The following CDC42EP4 variants were observed in gnomAD, a reference collection of about 807,000 sequenced individuals.
CDC42EP4 encodes the protein CDC42 effector protein 4, also known as CDC42 effector protein (Rho GTPase binding) 4.
A neutral mutation model predicts 5.6 loss-of-function variants in CDC42EP4; 6 were observed. That is an observed-to-expected ratio of 1.07 (90% confidence interval 0.59 to 2.12). The LOEUF is 2.12. Ranked by LOEUF, CDC42EP4 falls within the 30% of genes most tolerant of loss-of-function variation. The pLI is 0.00. For synonymous variants in CDC42EP4, 230 were observed against 224.2 expected, an observed-to-expected ratio of 1.03 and a Z score of -0.23; for missense variants, 490 against 508.6, an observed-to-expected ratio of 0.96 and a Z score of 0.35.
At chr17:73,293,874 T>C (rs2062172912) in intron 1 of CDC42EP4, among the ~76,000 whole-genome samples, 2 of 152,214 alleles carry the variant, frequency 1.3e-5, no homozygotes, top group Admixed American at 6.5e-5. Flanking sequence ...CGTGGTTACA[T>C]GTTCCAGGCA....
At chr17:73,287,547 G>C (rs2062140703) in intron 1 of CDC42EP4, among the ~76,000 whole-genome samples, 1 of 152,166 alleles carries the variant, frequency 6.6e-6, no homozygotes. Flanking sequence ...TCCTGACAAG[G>C]GCCAAGTTGA....
At chr17:73,311,114 G>A (rs868406469) in intron 1 of CDC42EP4, 1 of 152,198 alleles carries the variant, frequency 6.6e-6, no homozygotes, top group Non-Finnish European at 1.5e-5. Flanking sequence ...CCGTCTCCCC[G>A]GCTCCAAGGG....
intron 1 of CDC42EP4, among the ~76,000 whole-genome samples, chr17:73,306,417 T>C (rs2062244458): frequency 6.6e-6 from 1 of 152,092 alleles, no homozygotes; most frequent in Non-Finnish European, 1.5e-5. Context: ...GGAGGATCTC[T>C]TGAGCCCAGG....
chr17:73,291,298 C>T (rs2062160337), intron 1 of CDC42EP4, among the ~76,000 whole-genome samples: 1 of 152,148 alleles, frequency 6.6e-6, no homozygotes, highest in African/African-American at 2.4e-5. Context: ...TGTCCCACTG[C>T]CCCAGCGAGG....
intron 1 of CDC42EP4, among the ~76,000 whole-genome samples, chr17:73,297,541 TG>T (rs1167586427): frequency 6.6e-6 from 1 of 152,112 alleles, no homozygotes; most frequent in Non-Finnish European, 1.5e-5. Flanking sequence ...TTATGTATAG[TG>T]GTTACAACTC....
At chr17:73,307,760 C>CTTT (rs539543636) in intron 1 of CDC42EP4, among the ~76,000 whole-genome samples, 54 of 107,178 alleles carry the variant, frequency 5.0e-4, no homozygotes, top group Middle Eastern at 5.7e-3. Context: ...GAATTTCTCT[C>CTTT]TTTTTTTTTT....
chr17:73,304,162 C>A (rs1407509644), intron 1 of CDC42EP4, among the ~76,000 whole-genome samples: 1 of 152,170 alleles, frequency 6.6e-6, no homozygotes, highest in Non-Finnish European at 1.5e-5. Flanking sequence ...TATTCCTGGG[C>A]CACATGTCAT....
At position 73,286,250 on chromosome 17, in the gene CDC42EP4, C is replaced by T. The variant is rs772929569; in HGVS notation, c.251G>A (p.Arg84Gln). Residue 84 changes from arginine to glutamine, a missense_variant, in exon 2 of 2, where the codon CGG becomes CAG. Coordinates refer to ENST00000335793, the MANE Select transcript of CDC42EP4 (RefSeq NM_012121.5). This position sits in a 1 kb window ranked among gnomAD's most constrained non-coding sequence, Gnocchi z 7.7. ...CACCGACTGTGACCGCTTGCTGCCC[C>T]GGAACTTCCTGGACAGGAGACTGCG... is the stretch of plus-strand genomic sequence containing the variant. ...SKRSLLSRKF[R>Q]GSKRSQSVTR... The T allele has an allele frequency of 9.3e-6, 15 of 1,614,220 alleles. No individual in the cohort carries two copies. The highest frequency in any genetic ancestry group is 2.2e-5 in the South Asian group (2 of 91,088).
At chr17:73,297,099 GC>G (rs1372705306) in intron 1 of CDC42EP4, among the ~76,000 whole-genome samples, 2 of 149,720 alleles carry the variant, frequency 1.3e-5, no homozygotes, top group African/African-American at 4.9e-5. Context: ...TTCAAGACCA[GC>G]CTGGCCAACA....
chr17:73,308,745 T>G (rs1390575024), intron 1 of CDC42EP4, among the ~76,000 whole-genome samples: 1 of 151,812 alleles, frequency 6.6e-6, no homozygotes, highest in Non-Finnish European at 1.5e-5. Context: ...TTAAGAAGGG[T>G]TGGCCAGGGC....
intron 1 of CDC42EP4, among the ~76,000 whole-genome samples, chr17:73,288,623 A>G (rs531100743): frequency 6.6e-6 from 1 of 151,914 alleles, no homozygotes; most frequent in East Asian, 1.9e-4. Context: ...GCAGGGTGTG[A>G]CACATGGTCC....
intron 1 of CDC42EP4, among the ~76,000 whole-genome samples, chr17:73,302,103 G>C (rs1044908703): frequency 7.2e-5 from 11 of 152,184 alleles, no homozygotes; most frequent in African/African-American, 2.7e-4. Context: ...CAAAGTGCTA[G>C]GATTACAGGT....
Position 73,286,007 on chromosome 17 carries a change from C to T in CDC42EP4, c.494G>A (p.Arg165His), listed in dbSNP as rs201597159. The T allele has an allele frequency of 3.3e-5, 53 of 1,613,408 alleles. No homozygotes were observed. The highest frequency in any genetic ancestry group is 3.2e-5 in the Non-Finnish European group (38 of 1,179,878). Residue 165 changes from arginine (R) to histidine (H), a missense_variant, in exon 2 of 2, where the codon CGT becomes CAT. Transcript: ENST00000335793. This position sits in a 1 kb window ranked among gnomAD's most constrained non-coding sequence, Gnocchi z 7.7. The part of the protein sequence containing the change: ...EEAGTEEAVP[R>H]RNGAAGPHSP... The stretch of plus-strand genomic sequence containing the variant: ...ATGTGGACCCGCGGCCCCATTCCGA[C>T]GGGGCACTGCCTCCTCCGTGCCCGC...
Position 73,285,722 on chromosome 17 carries a change from G to A in CDC42EP4, c.779C>T (p.Pro260Leu), listed in dbSNP as rs775002070. ...CTTGCCTTCCTGCCTTGCCAGGGGA[G>A]GGGCCGCCACGGCGTACGGGGGAGC... ...TQAPPYAVAA[P>L]PLARQEGKAG... The change falls in exon 2 of 2, where the codon CCT (proline) becomes CTT (leucine). Residue 260 changes from proline to leucine, a missense_variant. Coordinates refer to ENST00000335793, the MANE Select transcript of CDC42EP4 (RefSeq NM_012121.5). The surrounding 1 kb of genome is among the most constrained non-coding windows in gnomAD (Gnocchi z 6.8). 1.9e-6 allele frequency: 3 copies of A among 1,574,464 alleles called. No homozygotes were observed. Among genetic ancestry groups the A allele is most frequent in the African/African-American group, 1.3e-5 (1 of 74,412 alleles).
At position 73,285,360 on chromosome 17, in the gene CDC42EP4, A is replaced by G. The variant is rs1568339099; in HGVS notation, c.*70T>C. The G allele has an allele frequency of 7.7e-7, 1 of 1,294,260 alleles. No homozygotes were observed. The highest frequency in any genetic ancestry group is 1.1e-6 in the Non-Finnish European group (1 of 931,160). The allele number at this position is 1,294,260 out of a possible 1,614,324, so 80.2% of individuals were successfully genotyped here. ...TGGCTGCCCCTGCGCCGTAGGGTCA[A>G]AGGTCATAGTGGGGTGGGGGCAGGG... On this transcript the variant is annotated 3_prime_UTR_variant, in exon 2 of 2. Transcript: ENST00000335793. The surrounding 1 kb of genome is among the most constrained non-coding windows in gnomAD (Gnocchi z 6.8).
intron 1 of CDC42EP4, among the ~76,000 whole-genome samples, chr17:73,299,684 G>A (rs1370014945): frequency 6.6e-6 from 1 of 152,156 alleles, no homozygotes; most frequent in Non-Finnish European, 1.5e-5. Flanking sequence ...CATATGAGGT[G>A]ATGCTGCCTG....
At chr17:73,310,880 C>A (rs1034046034) in intron 1 of CDC42EP4, 1 of 151,894 alleles carries the variant, frequency 6.6e-6, no homozygotes. Flanking sequence ...GGGGCACTCA[C>A]CGGCTGACGG....
chr17:73,310,486 A>G (rs1160341202), intron 1 of CDC42EP4, among the ~76,000 whole-genome samples: 1 of 151,784 alleles, frequency 6.6e-6, no homozygotes, highest in Non-Finnish European at 1.5e-5. Context: ...CAAGGACTCC[A>G]CCCGGATCCA....
Position 73,285,540 on chromosome 17 carries a change from G to GCTC in CDC42EP4, c.958_960dup (p.Glu320dup). ...TCCGGCCCCCGGAAGGCAGGGCTGC[G>GCTC]CTCCTCCAGGATGCCTGAGGTGCAG... On this transcript the variant is annotated inframe_insertion, in exon 2 of 2. Transcript: ENST00000335793. This position sits in a 1 kb window ranked among gnomAD's most constrained non-coding sequence, Gnocchi z 6.8. 6.2e-7 allele frequency: 1 copy of GCTC among 1,611,718 alleles called. No individual in the cohort carries two copies. Among genetic ancestry groups the GCTC allele is most frequent in the Non-Finnish European group, 8.5e-7 (1 of 1,179,426 alleles).
Sources: allele counts gnomAD v4.1 joint callset (sites outside exome capture counted in the v4.1 genomes callset), GRCh38; gene constraint gnomAD v4.1.1; non-coding constraint Gnocchi (gnomAD v3.1); transcripts MANE v1.5; gene names NCBI Gene and HGNC (gene_info 2026-07-23, HGNC 2026-07-21).